The following ARID1B variants were observed in gnomAD, a reference collection of about 807,000 sequenced individuals.
ARID1B encodes AT-rich interaction domain 1B, also known as AT-rich interactive domain-containing protein 1B.
ARID1B carries 30 observed loss-of-function variants against 212.3 expected under a neutral mutation model. That is an observed-to-expected ratio of 0.14 (90% CI 0.11 to 0.19). ARID1B has a LOEUF of 0.19. Among genes scored for constraint, ARID1B ranks in the 10% least tolerant of loss-of-function variants. ARID1B has a pLI of 1.00. For synonymous variants in ARID1B, 1,402 were observed against 1,301.7 expected, an observed-to-expected ratio of 1.08 and a Z score of -1.66; for missense variants, 2,891 against 3,204.0, an observed-to-expected ratio of 0.90 and a Z score of 2.36.
chr6:157,012,179 GAAA>G (rs1289863543), intron 4 of ARID1B, among the ~76,000 whole-genome samples: 27 of 152,174 alleles, frequency 1.8e-4, no homozygotes, highest in African/African-American at 6.5e-4. Flanking sequence ...TAAGACAAAG[GAAA>G]ATTATCCCAG....
intron 1 of ARID1B, among the ~76,000 whole-genome samples, chr6:156,822,875 C>T (rs1176946984): frequency 4.6e-5 from 7 of 152,170 alleles, no homozygotes; most frequent in Non-Finnish European, 7.3e-5. Flanking sequence ...ACAGGCTAGA[C>T]GGCCGTGTTG....
intron 1 of ARID1B, among the ~76,000 whole-genome samples, chr6:156,789,738 A>C (rs1779889556): frequency 6.6e-6 from 1 of 152,206 alleles, no homozygotes; most frequent in African/African-American, 2.4e-5. Flanking sequence ...GAGCACTGGA[A>C]GATTATGCAT....
At chr6:157,144,951 A>G (rs1789618688) in intron 7 of ARID1B, among the ~76,000 whole-genome samples, 1 of 152,224 alleles carries the variant, frequency 6.6e-6, no homozygotes, top group Non-Finnish European at 1.5e-5. Flanking sequence ...GTGCCTCTTC[A>G]CGCCGAAGCA....
At chr6:156,826,853 T>A (rs749002431) in intron 1 of ARID1B, among the ~76,000 whole-genome samples, 1 of 152,134 alleles carries the variant, frequency 6.6e-6, no homozygotes, top group Non-Finnish European at 1.5e-5. Context: ...AAGAGCACAC[T>A]CTCCAGAGTG....
intron 3 of ARID1B, among the ~76,000 whole-genome samples, chr6:156,925,338 T>C (rs1003836429): frequency 6.6e-6 from 1 of 152,154 alleles, no homozygotes; most frequent in Non-Finnish European, 1.5e-5. Context: ...TATACAAGCC[T>C]GTCCTTTTTC....
intron 5 of ARID1B, among the ~76,000 whole-genome samples, chr6:157,088,857 T>C (rs558395311): frequency 6.0e-4 from 91 of 152,324 alleles, no homozygotes; most frequent in African/African-American, 2.1e-3. Context: ...ATACATGCCA[T>C]GTAGAGACGA....
At chr6:157,023,978 C>T (rs979507414) in intron 4 of ARID1B, 1 of 152,214 alleles carries the variant, frequency 6.6e-6, no homozygotes, top group African/African-American at 2.4e-5. Flanking sequence ...CCAATTTACC[C>T]ATTTTAAAAA....
rs140766144 is a variant in ARID1B at position 157,035,771 on chromosome 6, G to A, written c.2248-48891G>A. Among the ~76,000 whole-genome samples, 227 of 152,318 alleles carry A rather than the reference G, an allele frequency of 1.5e-3. 1 individual carries two copies. The highest frequency in any genetic ancestry group is 5.0e-3 in the African/African-American group (209 of 41,570). On this transcript the variant is annotated intron_variant, in intron 4 of 19. Transcript: ENST00000636930. ...CAGGCTCTGCCAGTGCCAGGGGGTG[G>A]TCAGTGAGCCTGGCTTTCAGTGAAG...
At chr6:157,058,212 G>A (rs1783090404) in intron 4 of ARID1B, among the ~76,000 whole-genome samples, 1 of 152,024 alleles carries the variant, frequency 6.6e-6, no homozygotes, top group Admixed American at 6.6e-5. Flanking sequence ...AACGCCATCA[G>A]GCTTTTCTCT....
intron 3 of ARID1B, among the ~76,000 whole-genome samples, chr6:156,916,380 T>A (rs17087897): frequency 1.3e-5 from 2 of 152,112 alleles, no homozygotes; most frequent in South Asian, 4.1e-4. Flanking sequence ...CATCAGAGGT[T>A]CACACTGTGC....
intron 2 of ARID1B, among the ~76,000 whole-genome samples, chr6:156,880,784 A>T (rs1156718941): frequency 1.3e-5 from 2 of 151,560 alleles, no homozygotes; most frequent in Non-Finnish European, 1.5e-5. Context: ...AGAAAAACAC[A>T]CATTGATGGC....
chr6:156,853,806 G>C (rs757346072), intron 2 of ARID1B, among the ~76,000 whole-genome samples: 1 of 152,128 alleles, frequency 6.6e-6, no homozygotes, highest in African/African-American at 2.4e-5. Flanking sequence ...GCACGACCAC[G>C]GCTCACTGCA....
chr6:156,777,110 A>G (rs1778665262), upstream of ARID1B: 1 of 152,114 alleles, frequency 6.6e-6, no homozygotes, highest in Non-Finnish European at 1.5e-5. Context: ...GAAAACAAAC[A>G]TGCGAACGCC....
chr6:157,177,741 A>C (rs1562325900), intron 11 of ARID1B, among the ~76,000 whole-genome samples: 1 of 152,218 alleles, frequency 6.6e-6, no homozygotes, highest in African/African-American at 2.4e-5. Context: ...ATTTTACAGC[A>C]ATTTCCATTC....
chr6:156,861,327 G>A lies in ARID1B; in HGVS notation c.1986+31906G>A, dbSNP rs562588782. Among the ~76,000 whole-genome samples the A allele has an allele frequency of 3.9e-5, 6 of 152,300 alleles. No homozygotes were observed. The East Asian group carries it at 5.8e-4, about 15-fold the overall frequency. ...GTTAAGAAACTAGACCAGGCCAGGC[G>A]TGGTGGTTCATGCCTCTAATCCTAG... On this transcript the variant is annotated intron_variant, in intron 2 of 19. Transcript: ENST00000636930.
chr6:156,945,843 A>C (rs1728277808), intron 4 of ARID1B, among the ~76,000 whole-genome samples: 1 of 151,932 alleles, frequency 6.6e-6, no homozygotes, highest in Non-Finnish European at 1.5e-5. Context: ...CCCCATCTTC[A>C]CTAAAAATAC....
chr6:156,884,249 C>T (rs1007311869), intron 2 of ARID1B, among the ~76,000 whole-genome samples: 1 of 152,126 alleles, frequency 6.6e-6, no homozygotes, highest in African/African-American at 2.4e-5. Context: ...AGCCATTACT[C>T]TAATTAACTT....
intron 6 of ARID1B, among the ~76,000 whole-genome samples, chr6:157,129,798 T>C (rs966761029): frequency 2.6e-5 from 4 of 152,226 alleles, no homozygotes; most frequent in Admixed American, 2.6e-4. Context: ...ATACCTTGCC[T>C]AGGTAAGAAT....
At chr6:157,149,009 G>T (rs1284703894) in intron 8 of ARID1B, 58 bp downstream of exon 8, 1 of 1,511,852 alleles carries the variant, frequency 6.6e-7, no homozygotes, top group African/African-American at 1.4e-5. Context: ...CCGTGACCAC[G>T]TGACTGCGCA....
Sources: gnomAD v4.1 joint callset for allele counts (sites outside exome capture counted in the v4.1 genomes callset) on GRCh38, gnomAD v4.1.1 for gene constraint, MANE v1.5 for transcripts, NCBI Gene and HGNC (gene_info 2026-07-23, HGNC 2026-07-21) for gene names.